SLC4A5: variants seen among roughly 807,000 people sequenced by gnomAD.
SLC4A5 encodes electrogenic sodium bicarbonate cotransporter 4.
SLC4A5 carries 96 observed loss-of-function variants against 120.4 expected under a neutral mutation model. The observed-to-expected ratio is 0.80, with a 90% confidence interval of 0.68 to 0.94. The LOEUF is 0.94. Ranked by LOEUF, SLC4A5 falls within the 40% of genes least tolerant of loss-of-function variation. The pLI is 0.00. For missense variants in SLC4A5, 1,259 were observed against 1,459.5 expected (o/e 0.86, Z 2.24); for synonymous variants, 550 against 571.1 (o/e 0.96, Z 0.53).
chr2:74,286,319 C>T (rs900787735), intron 7 of SLC4A5, among the ~76,000 whole-genome samples: 1 of 152,190 alleles, frequency 6.6e-6, no homozygotes, highest in African/African-American at 2.4e-5. Flanking sequence ...AGGCAGTCAG[C>T]CATGCAAAAG....
intron 5 of SLC4A5, among the ~76,000 whole-genome samples, chr2:74,323,653 T>C (rs568849042): frequency 4.0e-4 from 61 of 151,978 alleles, no homozygotes; most frequent in Non-Finnish European, 6.9e-4. Context: ...TGACAGAAAA[T>C]GCAAAGAAAA....
In SLC4A5 at chr2:74,259,666, T is replaced by C. The variant is rs768886290; in HGVS notation, c.812-23A>G. ...GACCTAGGAGAAAAGGAAAAGAAGA[T>C]CCATCAGGGGAAGCCAGGCTCTTGC... On this transcript the variant is annotated intron_variant, in intron 11 of 30. Transcript: ENST00000394019. 8.0e-5 allele frequency: 129 copies of C among 1,613,624 alleles called. 1 individual carries two copies. The highest frequency in any genetic ancestry group is 7.9e-5 in the Non-Finnish European group (93 of 1,179,660).
intron 5 of SLC4A5, among the ~76,000 whole-genome samples, chr2:74,327,303 G>C (rs754978443): frequency 1.3e-5 from 2 of 152,166 alleles, no homozygotes; most frequent in Non-Finnish European, 2.9e-5. Flanking sequence ...CAGCCAACAT[G>C]GTGTCTGATG....
At chr2:74,250,577 C>A in intron 16 of SLC4A5, 60 bp from the exon 17 acceptor site, 2 of 1,590,170 alleles carry the variant, frequency 1.3e-6, no homozygotes, top group Non-Finnish European at 1.7e-6. Context: ...AGGGGCAGGG[C>A]TATTTACAAG....
At chr2:74,236,977 A>ATTTT (rs33959548) in intron 21 of SLC4A5, among the ~76,000 whole-genome samples, 2 of 140,126 alleles carry the variant, frequency 1.4e-5, no homozygotes. Flanking sequence ...CAACTGAGCA[A>ATTTT]TTTTTTTTTT....
At chr2:74,279,047 C>G (rs552774317) in intron 8 of SLC4A5, among the ~76,000 whole-genome samples, 63 of 152,330 alleles carry the variant, frequency 4.1e-4, no homozygotes, top group African/African-American at 1.5e-3. Flanking sequence ...CCAGCAGCCT[C>G]CCTCAGCTTC....
intron 19 of SLC4A5, among the ~76,000 whole-genome samples, chr2:74,244,785 G>A (rs886794192): frequency 1.3e-5 from 2 of 152,080 alleles, no homozygotes; most frequent in Admixed American, 6.6e-5. Context: ...AGGAGGCTAC[G>A]AATTTGTATT....
rs767257391 is a variant in SLC4A5, at chr2:74,222,964, CAG to C, written c.3247-14_3247-13del. ...GGAGGGAACTGGGGCTGGAGAAAAA[CAG>C]TGGGAAAAGAGGATAAACACCAACA... On this transcript the variant is annotated splice_polypyrimidine_tract_variant and intron_variant, in intron 28 of 30. Transcript: ENST00000394019. 2.5e-6 allele frequency: 4 copies of C among 1,579,312 alleles called. No individual in the cohort carries two copies. Among genetic ancestry groups the C allele is most frequent in the East Asian group, 4.5e-5 (2 of 44,492 alleles).
chr2:74,274,202 C>T (rs943729696), intron 8 of SLC4A5, among the ~76,000 whole-genome samples: 2 of 152,208 alleles, frequency 1.3e-5, no homozygotes, highest in Non-Finnish European at 2.9e-5. Flanking sequence ...CCCAAGGTGG[C>T]TGAGGCAGGA....
intron 18 of SLC4A5, 63 bp from the exon 19 acceptor site, chr2:74,247,370 C>G: frequency 3.9e-6 from 6 of 1,536,370 alleles, no homozygotes; most frequent in Non-Finnish European, 5.3e-6. Context: ...CTTGACTCCT[C>G]AGACTCATCC....
At chr2:74,259,218 C>T (rs918364799) in intron 12 of SLC4A5, among the ~76,000 whole-genome samples, 1 of 152,204 alleles carries the variant, frequency 6.6e-6, no homozygotes, top group African/African-American at 2.4e-5. Context: ...TTCTGTCTCT[C>T]TGCCAGCCCC....
intron 8 of SLC4A5, among the ~76,000 whole-genome samples, chr2:74,280,453 T>G (rs1214022156): frequency 6.6e-6 from 1 of 152,202 alleles, no homozygotes; most frequent in African/African-American, 2.4e-5. Context: ...ATGTTCCATT[T>G]TTATATCTCT....
intron 4 of SLC4A5, among the ~76,000 whole-genome samples, chr2:74,332,719 G>A (rs1165453169): frequency 2.0e-5 from 3 of 152,002 alleles, no homozygotes; most frequent in Non-Finnish European, 4.4e-5. Context: ...GTGTGTGTGT[G>A]TGTGTGCGTG....
rs1553451209 is a variant in SLC4A5 at position 74,229,116 on chromosome 2, T to TTTTTTTTTTTTTTTTTTG, written c.2848-1239_2848-1238insCAAAAAAAAAAAAAAAAA. On this transcript the variant is annotated intron_variant, in intron 25 of 30. Coordinates refer to ENST00000394019, the Ensembl canonical transcript of SLC4A5. ...TCTTAGATTTGAGCTTTTTTTTTTT[T>TTTTTTTTTTTTTTTTTTG]CTTGAGACAGAGTCTCGATATGTTG... Among the ~76,000 whole-genome samples the TTTTTTTTTTTTTTTTTTG allele has an allele frequency of 5.2e-4, 71 of 136,520 alleles. 2 individuals are homozygous for TTTTTTTTTTTTTTTTTTG. Among genetic ancestry groups the TTTTTTTTTTTTTTTTTTG allele is most frequent in the African/African-American group, 9.3e-4 (32 of 34,438 alleles). 89.6% of individuals were successfully genotyped at this position (136,520 alleles called of 152,430 possible).
intron 3 of SLC4A5, among the ~76,000 whole-genome samples, chr2:74,336,878 C>A (rs1384952673): frequency 6.6e-6 from 1 of 152,142 alleles, no homozygotes; most frequent in Non-Finnish European, 1.5e-5. Flanking sequence ...ATAGCCAGGC[C>A]ATTCTATGCT....
At chr2:74,216,453 A>C (rs1188329054) in exon 31 of SLC4A5, 1 of 152,236 alleles carries the variant, frequency 6.6e-6, no homozygotes, top group East Asian at 1.9e-4. Flanking sequence ...TGTTTGATTA[A>C]TCAAGCAGGT....
Position 74,317,559 on chromosome 2 carries a change from T to C in SLC4A5, c.-2-2534A>G, listed in dbSNP as rs11893813. On this transcript the variant is annotated intron_variant, in intron 5 of 30. Coordinates refer to ENST00000394019, the Ensembl canonical transcript of SLC4A5. Reference sequence around the variant, plus strand: ...ATCCTCAGGTCTCTCCTCTAGGCTCTAGTCTCCTATAATGCCCTTTCTACT... The same window carrying C: ...ATCCTCAGGTCTCTCCTCTAGGCTCCAGTCTCCTATAATGCCCTTTCTACT... 7.3e-3 allele frequency among the ~76,000 whole-genome samples: 1,109 copies of C among 152,306 alleles called. 15 individuals are homozygous for C. Among genetic ancestry groups the C allele is most frequent in the African/African-American group, 0.025 (1,030 of 41,568 alleles).
chr2:74,233,845 G>A lies in SLC4A5; in HGVS notation c.2434-282C>T, dbSNP rs77658901. On this transcript the variant is annotated intron_variant, in intron 22 of 30. Coordinates refer to ENST00000394019, the Ensembl canonical transcript of SLC4A5. ...GGAGGTGAAGGTCAGAGGGCAGCCA[G>A]GAGAGAGAGCACAGTCACCTGCTGC... Among the ~76,000 whole-genome samples, 434 of 152,312 alleles carry A rather than the reference G, an allele frequency of 2.8e-3. 2 individuals are homozygous for A. Among genetic ancestry groups the A allele is most frequent in the African/African-American group, 0.01 (423 of 41,570 alleles).
At chr2:74,234,994 G>C (rs1670224049) in intron 22 of SLC4A5, 107 bp downstream of exon 22, 4 of 851,854 alleles carry the variant, frequency 4.7e-6, no homozygotes, top group Non-Finnish European at 7.4e-6. Context: ...GAACTAAAAT[G>C]GTCTCTTGGC....
Sources: allele counts gnomAD v4.1 joint callset (sites outside exome capture counted in the v4.1 genomes callset), GRCh38; gene constraint gnomAD v4.1.1; transcripts MANE v1.5; gene names NCBI Gene and HGNC (gene_info 2026-07-23, HGNC 2026-07-21).